Variants in STAG1 observed in about 807,000 individuals in gnomAD.
The protein encoded by STAG1 is STAG1 cohesin complex component, also known as cohesin subunit SA-1.
A neutral mutation model predicts 170.9 loss-of-function variants in STAG1; 26 were observed. The ratio of observed to expected loss-of-function variants is 0.15; its 90% CI spans 0.11 to 0.21. The LOEUF (loss-of-function observed/expected upper bound fraction) is 0.21, where lower values mean the gene tolerates loss of function less well. Ranked by LOEUF, STAG1 falls within the 10% of genes least tolerant of loss-of-function variation. STAG1 has a pLI of 1.00. For missense variants in STAG1, 964 were observed against 1,509.5 expected (o/e 0.64, Z 5.99); for synonymous variants, 514 against 497.7 (o/e 1.03, Z -0.44).
At chr3:136,636,364 T>C (rs1940559663) in intron 1 of STAG1, among the ~76,000 whole-genome samples, 1 of 152,160 alleles carries the variant, frequency 6.6e-6, no homozygotes, top group Non-Finnish European at 1.5e-5. Flanking sequence ...AAATTATAAT[T>C]ATGACAATGA....
intron 6 of STAG1, among the ~76,000 whole-genome samples, chr3:136,530,106 C>T (rs373483866): frequency 2.6e-5 from 4 of 152,030 alleles, no homozygotes; most frequent in African/African-American, 9.7e-5. Flanking sequence ...ATGAGTGAAA[C>T]AAACTGTACA....
At chr3:136,497,833 C>CAACAG (rs1297867386) in intron 9 of STAG1, among the ~76,000 whole-genome samples, 1 of 146,846 alleles carries the variant, frequency 6.8e-6, no homozygotes, top group African/African-American at 2.5e-5. Context: ...CTAGCCTGGG[C>CAACAG]AACAGAGCGA....
chr3:136,516,440 G>A (rs551237227), intron 7 of STAG1, among the ~76,000 whole-genome samples: 31 of 152,064 alleles, frequency 2.0e-4, no homozygotes, highest in Non-Finnish European at 4.0e-4. Context: ...CCTGGGAAGC[G>A]GGGGTTGCAA....
In STAG1 at chr3:136,593,998, TA is replaced by T. The variant is rs1938307443; in HGVS notation, c.297+10310del. ...ATCATTTGTTTATAATTACAATCCT[TA>T]TACATTCTTTGGCCATTTTAATACT... On this transcript the variant is annotated intron_variant, in intron 4 of 33. Transcript: ENST00000383202. Among the ~76,000 whole-genome samples the T allele has an allele frequency of 3.9e-5, 6 of 152,328 alleles. No individual in the cohort carries two copies. The South Asian group carries it at 1.2e-3, about 32-fold the overall frequency.
At chr3:136,630,728 T>TA (rs1940300207) in intron 2 of STAG1, 142 bp downstream of exon 2, 1 of 679,452 alleles carries the variant, frequency 1.5e-6, no homozygotes. Context: ...CACACCCTAC[T>TA]ACTACTTACA....
rs114998739 is a variant in STAG1, at chr3:136,612,739, T to C, written c.133-8266A>G. Among the ~76,000 whole-genome samples the C allele has an allele frequency of 7.1e-3, 1,082 of 152,302 alleles. 19 individuals carry two copies. Among genetic ancestry groups the C allele is most frequent in the African/African-American group, 0.023 (972 of 41,560 alleles). ...TGGCCAAATAGGTCATTCAAAAAAA[T>C]TGTTGAATAGCATTCCATTCCATGG... is the stretch of plus-strand genomic sequence containing the variant. On this transcript the variant is annotated intron_variant, in intron 3 of 33. Transcript: ENST00000383202.
intron 1 of STAG1, among the ~76,000 whole-genome samples, chr3:136,632,082 C>T (rs1281531746): frequency 2.6e-5 from 4 of 151,754 alleles, no homozygotes; most frequent in Admixed American, 2.0e-4. Context: ...TATGTAAGTT[C>T]AAAGACAATG....
At chr3:136,344,622 C>G (rs146474902) in intron 29 of STAG1, among the ~76,000 whole-genome samples, 96 of 152,002 alleles carry the variant, frequency 6.3e-4, no homozygotes, top group African/African-American at 2.3e-3. Flanking sequence ...TTTGTTTAAA[C>G]TTTTTTTTCA....
intron 9 of STAG1, among the ~76,000 whole-genome samples, chr3:136,490,128 C>T (rs1209260814): frequency 2.0e-5 from 3 of 151,394 alleles, no homozygotes; most frequent in African/African-American, 7.4e-5. Flanking sequence ...GCAACCTCCA[C>T]CTCCCGGGTT....
At chr3:136,357,699 C>G (rs1012097505) in intron 28 of STAG1, 21 bp downstream of exon 28, 4 of 1,565,224 alleles carry the variant, frequency 2.6e-6, no homozygotes, top group Non-Finnish European at 3.4e-6. Context: ...AAAACCACTT[C>G]TCTTGTAATG....
At chr3:136,354,754 C>CAAAAAAAAAA in intron 28 of STAG1, among the ~76,000 whole-genome samples, 5 of 6,514 alleles carry the variant, frequency 7.7e-4, no homozygotes, top group African/African-American at 2.2e-3. Flanking sequence ...GAGAAAGAAC[C>CAAAAAAAAAA]AAAAAAAAAA....
chr3:136,413,859 C>A (rs767223158), intron 21 of STAG1, among the ~76,000 whole-genome samples: 7 of 151,880 alleles, frequency 4.6e-5, no homozygotes, highest in African/African-American at 9.7e-5. Context: ...ATAGGTGTAC[C>A]CTGAATATAG....
At chr3:136,452,796 A>G (rs1576479534) in intron 13 of STAG1, among the ~76,000 whole-genome samples, 2 of 151,814 alleles carry the variant, frequency 1.3e-5, no homozygotes, top group South Asian at 4.2e-4. Context: ...ACTGAGTTCT[A>G]TTTTCTTTTT....
intron 12 of STAG1, 80 bp downstream of exon 12, chr3:136,472,333 A>ATATAGTCCTTATG: frequency 1.5e-5 from 14 of 916,268 alleles, no homozygotes; most frequent in Non-Finnish European, 2.1e-5. Flanking sequence ...TAAGGACTAT[A>ATATAGTCCTTATG]TATAGATAGG....
At chr3:136,412,197 AT>A (rs985753740) in intron 21 of STAG1, among the ~76,000 whole-genome samples, 2 of 152,000 alleles carry the variant, frequency 1.3e-5, no homozygotes, top group Non-Finnish European at 2.9e-5. Flanking sequence ...AGTGATACCA[AT>A]TTTTTTTAAA....
At chr3:136,461,998 A>G (rs571915171) in intron 13 of STAG1, among the ~76,000 whole-genome samples, 3 of 152,274 alleles carry the variant, frequency 2.0e-5, no homozygotes, top group Admixed American at 2.0e-4. Flanking sequence ...ACAATGAGAT[A>G]TCATCTTACC....
At chr3:136,361,544 G>C (rs1474978910) in intron 26 of STAG1, among the ~76,000 whole-genome samples, 1 of 151,916 alleles carries the variant, frequency 6.6e-6, no homozygotes, top group African/African-American at 2.4e-5. Context: ...CTATATCTTT[G>C]TCAATCATTT....
At chr3:136,478,098 G>A (rs574889895) in intron 9 of STAG1, among the ~76,000 whole-genome samples, 1 of 152,170 alleles carries the variant, frequency 6.6e-6, no homozygotes, top group East Asian at 1.9e-4. Context: ...CCAGAACTGG[G>A]AATCTTTATA....
At chr3:136,389,753 C>T (rs541651769) in intron 22 of STAG1, among the ~76,000 whole-genome samples, 1 of 151,844 alleles carries the variant, frequency 6.6e-6, no homozygotes, top group African/African-American at 2.4e-5. Flanking sequence ...CTCCTGACCT[C>T]AGGTGATCCA....
Sources: allele counts gnomAD v4.1 joint callset (sites outside exome capture counted in the v4.1 genomes callset), GRCh38; gene constraint gnomAD v4.1.1; transcripts MANE v1.5; gene names NCBI Gene and HGNC (gene_info 2026-07-23, HGNC 2026-07-21).